Variants in PCDHGA12 observed in about 807,000 individuals in gnomAD.
PCDHGA12 encodes protocadherin gamma subfamily A, 12, also known as protocadherin gamma-A12.
Under a neutral mutation model 61.1 loss-of-function variants are expected in PCDHGA12, and 43 were observed. The ratio of observed to expected loss-of-function variants is 0.70; its 90% CI spans 0.55 to 0.91. The LOEUF (loss-of-function observed/expected upper bound fraction) is 0.91. PCDHGA12 is among the 40% of genes least tolerant of loss of function. The pLI is 0.00. For missense variants in PCDHGA12, 1,236 were observed against 1,227.7 expected, an observed-to-expected ratio of 1.01 and a Z score of -0.10; for synonymous variants, 520 against 542.9, an observed-to-expected ratio of 0.96 and a Z score of 0.59.
intron 1 of PCDHGA12, chr5:141,440,036 A>T (rs540100930): frequency 6.5e-6 from 1 of 153,058 alleles, no homozygotes; most frequent in Non-Finnish European, 1.5e-5. Context: ...TGTCGAGGAC[A>T]TGCCCACTTG....
intron 3 of PCDHGA12, among the ~76,000 whole-genome samples, chr5:141,509,440 C>T (rs1036780108): frequency 2.0e-5 from 3 of 152,158 alleles, no homozygotes; most frequent in Non-Finnish European, 4.4e-5. Flanking sequence ...CTTGTTTCCT[C>T]CTCTCCCACC....
In PCDHGA12 at chr5:141,431,746, G is replaced by C. The variant is rs780453684; in HGVS notation, c.987G>C (p.Ala329=). 6.2e-7 allele frequency: 1 copy of C among 1,614,062 alleles called. No individual in the cohort carries two copies. Among genetic ancestry groups the C allele is most frequent in the African/African-American group, 1.3e-5 (1 of 74,932 alleles). The change falls in exon 1 of 4, where the codon GCG becomes GCC. Residue 329 remains alanine (A), a synonymous_variant. Transcript: ENST00000252085. The surrounding 1 kb of genome is among the most constrained non-coding windows in gnomAD (Gnocchi z 4.8). The part of the protein sequence containing the change: ...VQAMDNAGYS[A]RAKVLITVLD... ...CAATGGATAATGCAGGATATTCTGC[G>C]CGAGCCAAAGTCCTGATCACTGTTC... is the stretch of plus-strand genomic sequence containing the variant.
At position 141,485,320 on chromosome 5, in the gene PCDHGA12, T is replaced by G; in HGVS notation, c.2425-9487T>G. The G allele has an allele frequency of 6.2e-7, 1 of 1,614,114 alleles. No individual in the cohort carries two copies. The highest frequency in any genetic ancestry group is 8.5e-7 in the Non-Finnish European group (1 of 1,180,018). ...AAGGGACTTTTGTAGGGAATGTCGC[T>G]CAAGATTTCCTGCTGGATACGGACA... is the stretch of plus-strand genomic sequence containing the variant. On this transcript the variant is annotated intron_variant, in intron 1 of 3. Transcript: ENST00000252085. The surrounding 1 kb of genome is among the most constrained non-coding windows in gnomAD (Gnocchi z 5.7).
At chr5:141,439,190 C>CA (rs200519543) in intron 1 of PCDHGA12, among the ~76,000 whole-genome samples, 17,650 of 111,626 alleles carry the variant, frequency 0.16, 1,295 homozygotes, top group African/African-American at 0.25. Context: ...GAGACTCTGA[C>CA]AAAAAAAAAA....
chr5:141,432,117 C>T lies in PCDHGA12; in HGVS notation c.1358C>T (p.Pro453Leu), dbSNP rs761106133. The T allele has an allele frequency of 3.9e-5, 63 of 1,614,062 alleles. No individual in the cohort carries two copies. Among genetic ancestry groups the T allele is most frequent in the Non-Finnish European group, 4.2e-5 (50 of 1,180,048 alleles). Residue 453 changes from proline to leucine, a missense_variant, in exon 1 of 4, where the codon CCT (proline) becomes CTT (leucine). Transcript: ENST00000252085. The surrounding 1 kb of genome is among the most constrained non-coding windows in gnomAD (Gnocchi z 6.0). The part of the protein sequence containing the change: ...ADTNDNPPVF[P>L]QASYSAYIPE... ...ACCAACGACAACCCGCCGGTCTTCC[C>T]TCAGGCCTCCTATTCCGCTTATATC...
chr5:141,478,560 A>G, intron 1 of PCDHGA12: 1 of 1,598,736 alleles, frequency 6.3e-7, no homozygotes, highest in Non-Finnish European at 8.5e-7. Flanking sequence ...AGGTTTAGCA[A>G]GTCATGCTTG....
rs1337141924 is a variant in PCDHGA12, at chr5:141,512,916, CTAATATT to C, written c.*1746_*1752del. On this transcript the variant is annotated 3_prime_UTR_variant, in exon 4 of 4. Coordinates refer to ENST00000252085, the MANE Select transcript of PCDHGA12 (RefSeq NM_003735.3). The stretch of plus-strand genomic sequence containing the variant: ...CTGTGTCTCACGCAAGTTTTATACT[CTAATATT>C]TATATGGCTTTTTTTCTTCGACAAA... The C allele has an allele frequency of 1.3e-5, 2 of 152,206 alleles. No homozygotes were observed. Among genetic ancestry groups the C allele is most frequent in the Non-Finnish European group, 2.9e-5 (2 of 68,046 alleles). The allele number at this position is 152,206 out of a possible 1,614,324, so 9.4% of individuals were successfully genotyped here.
rs200356364 is a variant in PCDHGA12, at chr5:141,470,128, C to CA, written c.2425-24670dup. On this transcript the variant is annotated intron_variant, in intron 1 of 3. Transcript: ENST00000252085. ...TGAGCAACAGAGCAAGACTTCGTCT[C>CA]AAAAAAAAAGATCATAGATCATCTT... 4.0e-3 allele frequency among the ~76,000 whole-genome samples: 596 copies of CA among 150,150 alleles called. 6 individuals are homozygous for CA. The highest frequency in any genetic ancestry group is 0.011 in the Admixed American group (171 of 15,136).
chr5:141,466,285 C>A (rs1271958613), intron 1 of PCDHGA12, among the ~76,000 whole-genome samples: 1 of 152,148 alleles, frequency 6.6e-6, no homozygotes, highest in African/African-American at 2.4e-5. Context: ...ATCTTCCCAC[C>A]TCAGGCTCCC....
intron 1 of PCDHGA12, among the ~76,000 whole-genome samples, chr5:141,450,816 T>C (rs960010807): frequency 7.9e-6 from 1 of 126,568 alleles, no homozygotes; most frequent in Non-Finnish European, 1.6e-5. Context: ...ATTTATTTAA[T>C]ATTATTATTA....
intron 2 of PCDHGA12, among the ~76,000 whole-genome samples, chr5:141,498,839 A>C (rs2099786236): frequency 6.6e-6 from 1 of 152,062 alleles, no homozygotes; most frequent in Non-Finnish European, 1.5e-5. Context: ...AGGCTGAGGC[A>C]GGGGAATCGC....
In PCDHGA12 at chr5:141,432,776, G is replaced by C. The variant is rs975435403; in HGVS notation, c.2017G>C (p.Ala673Pro). 1.9e-6 allele frequency: 3 copies of C among 1,614,172 alleles called. No homozygotes were observed. In the African/African-American group the frequency reaches 4.0e-5, roughly 22 times the overall value. ...GGCCGACAGCATCCCCCAAGTCCTG[G>C]CGGACCTCGGCAGCCTCGAGTCTCC... Reference protein sequence around the residue: ...AVADSIPQVLADLGSLESPAN... With the variant: ...AVADSIPQVLPDLGSLESPAN... Residue 673 changes from alanine to proline, a missense_variant, in exon 1 of 4, where the codon GCG (alanine) becomes CCG (proline). By Grantham distance (27) the Ala-to-Pro change is conservative. Transcript: ENST00000252085. This position sits in a 1 kb window ranked among gnomAD's most constrained non-coding sequence, Gnocchi z 6.0.
At chr5:141,482,876 AGCCTG>A (rs2099574018) in intron 1 of PCDHGA12, among the ~76,000 whole-genome samples, 1 of 152,142 alleles carries the variant, frequency 6.6e-6, no homozygotes, top group Admixed American at 6.5e-5. Flanking sequence ...GTTTGAAACC[AGCCTG>A]GCCAACATGG....
In PCDHGA12 at chr5:141,491,105, C is replaced by T; in HGVS notation, c.2425-3702C>T. ...ACAGCCCCAGGACTGTTCCTCGTGTCTACACACACTGGTGAGGTGCGCACA... is the reference window on the plus strand; with the variant it reads ...ACAGCCCCAGGACTGTTCCTCGTGTTTACACACACTGGTGAGGTGCGCACA... On this transcript the variant is annotated intron_variant, in intron 1 of 3. Transcript: ENST00000252085. This position sits in a 1 kb window ranked among gnomAD's most constrained non-coding sequence, Gnocchi z 6.9. 1 of 1,614,222 alleles carries T rather than the reference C, an allele frequency of 6.2e-7. No individual in the cohort carries two copies. Among genetic ancestry groups the T allele is most frequent in the Non-Finnish European group, 8.5e-7 (1 of 1,180,032 alleles).
At position 141,430,569 on chromosome 5, in the gene PCDHGA12, G is replaced by A. The variant is rs1252716330; in HGVS notation, c.-191G>A. On this transcript the variant is annotated 5_prime_UTR_variant, in exon 1 of 4. Coordinates refer to ENST00000252085, the MANE Select transcript of PCDHGA12 (RefSeq NM_003735.3). ...CTGTTCACCAATCGGGGAGAGAAAA[G>A]CGGAGATCCTGCTCGCCTTGCACGC... The A allele has an allele frequency of 4.5e-6, 2 of 439,930 alleles. No individual in the cohort carries two copies. Among genetic ancestry groups the A allele is most frequent in the African/African-American group, 4.1e-5 (2 of 49,240 alleles). The allele number at this position is 439,930 out of a possible 1,614,324, so 27.3% of individuals were successfully genotyped here.
chr5:141,504,351 G>A (rs77439649), intron 2 of PCDHGA12, among the ~76,000 whole-genome samples: 2 of 152,010 alleles, frequency 1.3e-5, no homozygotes, highest in African/African-American at 4.8e-5. Context: ...CTTTGTGCTA[G>A]GTGCTTCAGT....
At position 141,490,357 on chromosome 5, in the gene PCDHGA12, A is replaced by G; in HGVS notation, c.2425-4450A>G. ...AGTGGGCACAGTAGTGGGGTTGTTT[A>G]ATGTGCGAGACCGGGACTCAGGTAG... On this transcript the variant is annotated intron_variant, in intron 1 of 3. Transcript: ENST00000252085. This position sits in a 1 kb window ranked among gnomAD's most constrained non-coding sequence, Gnocchi z 5.4. The G allele has an allele frequency of 6.2e-7, 1 of 1,614,178 alleles. No individual in the cohort carries two copies. The highest frequency in any genetic ancestry group is 8.5e-7 in the Non-Finnish European group (1 of 1,180,030).
In PCDHGA12 at chr5:141,491,341, G is replaced by C. The variant is rs775712620; in HGVS notation, c.2425-3466G>C. ...TTACCTCATTGTGGCTCTAGCGACC[G>C]TCAGTCTCTTATCCCTAGTCACCTT... On this transcript the variant is annotated intron_variant, in intron 1 of 3. Transcript: ENST00000252085. This position sits in a 1 kb window ranked among gnomAD's most constrained non-coding sequence, Gnocchi z 6.9. 10 of 1,614,100 alleles carry C rather than the reference G, an allele frequency of 6.2e-6. No homozygotes were observed. In the East Asian group the frequency reaches 8.9e-5, roughly 14 times the overall value.
At chr5:141,444,059 T>C (rs2098415588) in intron 1 of PCDHGA12, among the ~76,000 whole-genome samples, 1 of 150,620 alleles carries the variant, frequency 6.6e-6, no homozygotes, top group Admixed American at 6.6e-5. Flanking sequence ...ATCTTCAATC[T>C]AGATTCTGAT....
Sources: allele counts gnomAD v4.1 joint callset (sites outside exome capture counted in the v4.1 genomes callset), GRCh38; gene constraint gnomAD v4.1.1; non-coding constraint Gnocchi (gnomAD v3.1); transcripts MANE v1.5; gene names NCBI Gene and HGNC (gene_info 2026-07-23, HGNC 2026-07-21).